The following CNTN4 variants were observed in gnomAD, a reference collection of about 807,000 sequenced individuals.
CNTN4 encodes contactin-4.
A neutral mutation model predicts 122.5 loss-of-function variants in CNTN4; 77 were observed. The observed-to-expected ratio is 0.63, with a 90% CI of 0.52 to 0.76. CNTN4 has a LOEUF of 0.76. Ranked by LOEUF, CNTN4 falls within the 30% of genes least tolerant of loss-of-function variation. The pLI, the probability that CNTN4 is intolerant of heterozygous loss-of-function variation, is 0.00. For missense variants in CNTN4, 1,256 were observed against 1,259.1 expected, an observed-to-expected ratio of 1.00 and a Z score of 0.04; for synonymous variants, 512 against 447.0, an observed-to-expected ratio of 1.15 and a Z score of -1.83.
intron 4 of CNTN4, among the ~76,000 whole-genome samples, chr3:2,621,726 T>C (rs180820555): frequency 4.6e-5 from 7 of 152,168 alleles, no homozygotes; most frequent in Admixed American, 3.9e-4. Flanking sequence ...CGAAATACAA[T>C]GTATATGCAT....
intron 3 of CNTN4, among the ~76,000 whole-genome samples, chr3:2,463,962 C>T (rs1160268365): frequency 1.3e-5 from 2 of 152,032 alleles, no homozygotes; most frequent in Admixed American, 1.3e-4. Flanking sequence ...TTTTCCAAGC[C>T]TCATAATGAA....
At chr3:2,551,143 C>G (rs2078487047) in intron 3 of CNTN4, among the ~76,000 whole-genome samples, 1 of 152,012 alleles carries the variant, frequency 6.6e-6, no homozygotes. Context: ...AATCTGTCAG[C>G]TCCCTTTCAT....
chr3:2,501,522 C>T (rs1039387904), intron 3 of CNTN4, among the ~76,000 whole-genome samples: 1 of 152,150 alleles, frequency 6.6e-6, no homozygotes, highest in African/African-American at 2.4e-5. Flanking sequence ...CCTTTATCAA[C>T]TTCTAGAGGC....
intron 3 of CNTN4, among the ~76,000 whole-genome samples, chr3:2,435,623 ATCT>A (rs922975876): frequency 2.7e-4 from 41 of 152,260 alleles, no homozygotes; most frequent in African/African-American, 9.9e-4. Flanking sequence ...TTAGTTACTC[ATCT>A]TCTTAGTTCT....
chr3:2,676,175 A>G (rs927455816), intron 4 of CNTN4, among the ~76,000 whole-genome samples: 5 of 151,974 alleles, frequency 3.3e-5, no homozygotes, highest in Admixed American at 2.6e-4. Context: ...GATCCTGAAC[A>G]CCAAACATCC....
At chr3:2,453,246 A>G (rs777237243) in intron 3 of CNTN4, among the ~76,000 whole-genome samples, 8 of 152,202 alleles carry the variant, frequency 5.3e-5, no homozygotes, top group Non-Finnish European at 8.8e-5. Flanking sequence ...GAATCAAAAA[A>G]AATGTCTGGA....
intron 13 of CNTN4, among the ~76,000 whole-genome samples, chr3:2,976,870 T>C (rs2125150641): frequency 6.6e-6 from 1 of 152,128 alleles, no homozygotes; most frequent in Non-Finnish European, 1.5e-5. Flanking sequence ...AACAAGTCTT[T>C]TTTTTTTTTT....
chr3:2,632,061 T>TACAC (rs1553597760), intron 4 of CNTN4, among the ~76,000 whole-genome samples: 29 of 83,562 alleles, frequency 3.5e-4, no homozygotes, highest in African/African-American at 1.1e-3. Context: ...AAAATACACA[T>TACAC]ACGCACACAC....
chr3:2,123,761 C>G (rs2033947390), intron 2 of CNTN4, among the ~76,000 whole-genome samples: 1 of 152,216 alleles, frequency 6.6e-6, no homozygotes, highest in Admixed American at 6.5e-5. Context: ...GAGTTTCAGA[C>G]TTACAGCTCT....
chr3:2,780,508 C>T (rs1045715180), intron 6 of CNTN4, among the ~76,000 whole-genome samples: 1 of 152,172 alleles, frequency 6.6e-6, no homozygotes, highest in African/African-American at 2.4e-5. Context: ...AGTAGTTTCT[C>T]CAGAAAATAA....
At chr3:2,987,520 AAG>A (rs1229212690) in intron 13 of CNTN4, among the ~76,000 whole-genome samples, 5 of 152,228 alleles carry the variant, frequency 3.3e-5, no homozygotes, top group African/African-American at 7.2e-5. Context: ...TCTGAAATAA[AAG>A]AGAAATTTAA....
At chr3:2,651,674 G>A (rs191398015) in intron 4 of CNTN4, among the ~76,000 whole-genome samples, 1 of 151,888 alleles carries the variant, frequency 6.6e-6, no homozygotes, top group Admixed American at 6.6e-5. Flanking sequence ...AACGTAGGGA[G>A]ACCTCCATCT....
intron 2 of CNTN4, among the ~76,000 whole-genome samples, chr3:2,113,889 C>G (rs1414896259): frequency 5.3e-5 from 8 of 152,144 alleles, no homozygotes; most frequent in Non-Finnish European, 1.0e-4. Context: ...CCCCAAGTAT[C>G]ACATCTACCA....
At position 2,286,258 on chromosome 3, in the gene CNTN4, A is replaced by G. The variant is rs114586540; in HGVS notation, c.-144-52920A>G. Among the ~76,000 whole-genome samples, 921 of 146,374 alleles carry G rather than the reference A, an allele frequency of 6.3e-3. 9 individuals are homozygous for G. Among genetic ancestry groups the G allele is most frequent in the African/African-American group, 0.023 (891 of 39,568 alleles). On this transcript the variant is annotated intron_variant, in intron 2 of 24. Coordinates refer to ENST00000418658, the MANE Select transcript of CNTN4 (RefSeq NM_175607.3). ...CCTGCCCCCCCCACAACATACACATACAAATACATATTTGGACTTTAAAAA... is the reference window on the plus strand; with the variant it reads ...CCTGCCCCCCCCACAACATACACATGCAAATACATATTTGGACTTTAAAAA...
intron 2 of CNTN4, among the ~76,000 whole-genome samples, chr3:2,207,197 G>T (rs1405259388): frequency 6.6e-6 from 1 of 151,834 alleles, no homozygotes; most frequent in Non-Finnish European, 1.5e-5. Flanking sequence ...GTCTCTCTTA[G>T]GACCTCCCTA....
chr3:2,824,456 C>CAA (rs148849208), intron 7 of CNTN4, among the ~76,000 whole-genome samples: 66 of 149,756 alleles, frequency 4.4e-4, no homozygotes, highest in Non-Finnish European at 7.0e-4. Context: ...GACTCTGGCT[C>CAA]AAAAAAAACA....
chr3:2,105,449 A>T (rs989343748), intron 2 of CNTN4, among the ~76,000 whole-genome samples: 4 of 152,222 alleles, frequency 2.6e-5, no homozygotes, highest in African/African-American at 9.6e-5. Context: ...TCAGTTCCGC[A>T]TGGCCTCAGG....
At chr3:2,458,979 A>T (rs73804601) in intron 3 of CNTN4, among the ~76,000 whole-genome samples, 5,065 of 152,226 alleles carry the variant, frequency 0.033, 277 homozygotes, top group African/African-American at 0.11. Context: ...TCCACTCTTT[A>T]GACAGATGTG....
intron 10 of CNTN4, among the ~76,000 whole-genome samples, chr3:2,891,430 G>A (rs2094039399): frequency 6.6e-6 from 1 of 152,108 alleles, no homozygotes; most frequent in African/African-American, 2.4e-5. Context: ...CTGGGCAACA[G>A]AGCAAGACTC....
Sources: allele counts gnomAD v4.1 joint callset (sites outside exome capture counted in the v4.1 genomes callset), GRCh38; gene constraint gnomAD v4.1.1; transcripts MANE v1.5; gene names NCBI Gene and HGNC (gene_info 2026-07-23, HGNC 2026-07-21).